The following ADAMTS5 variants were observed in gnomAD, a reference collection of about 807,000 sequenced individuals.
ADAMTS5 encodes A disintegrin and metalloproteinase with thrombospondin motifs 5.
Under a neutral mutation model 81.4 loss-of-function variants are expected in ADAMTS5, and 54 were observed. The ratio of observed to expected loss-of-function variants is 0.66; its 90% CI spans 0.53 to 0.83. The LOEUF is 0.83. Among genes scored for constraint, ADAMTS5 ranks in the 40% least tolerant of loss-of-function variants. The probability of loss-of-function intolerance (pLI) is 0.00; values close to 1 mark genes in which losing one functional copy is unlikely to be tolerated. For synonymous variants in ADAMTS5, 532 were observed against 508.8 expected, an observed-to-expected ratio of 1.05 and a Z score of -0.61; for missense variants, 1,194 against 1,229.9, an observed-to-expected ratio of 0.97 and a Z score of 0.44.
At position 26,943,376 on chromosome 21, in the gene ADAMTS5, A is replaced by G. The variant is rs1987150093; in HGVS notation, c.1405+4T>C. The G allele has an allele frequency of 6.2e-7, 1 of 1,610,878 alleles. No individual in the cohort carries two copies. Among genetic ancestry groups the G allele is most frequent in the Non-Finnish European group, 8.5e-7 (1 of 1,178,668 alleles). Reference sequence around the variant, plus strand: ...CAGTCTGTGTTCTCCTAAATGATACATACCATGGCCATCATCCAGGAATTC... The same window carrying G: ...CAGTCTGTGTTCTCCTAAATGATACGTACCATGGCCATCATCCAGGAATTC... On this transcript the variant is annotated splice_donor_region_variant and intron_variant, in intron 3 of 7. Transcript: ENST00000284987.
intron 1 of ADAMTS5, among the ~76,000 whole-genome samples, chr21:26,962,364 C>T (rs149841192): frequency 6.6e-6 from 1 of 152,310 alleles, no homozygotes; most frequent in African/African-American, 2.4e-5. Flanking sequence ...TGAATTCCAG[C>T]ATTAGTGCCA....
In ADAMTS5 at chr21:26,966,479, G is replaced by GAC. The variant is rs369940415; in HGVS notation, c.-90_-89dup. The GAC allele has an allele frequency of 2.1e-4, 275 of 1,296,312 alleles. No homozygotes were observed. Among genetic ancestry groups the GAC allele is most frequent in the South Asian group, 1.2e-3 (68 of 55,786 alleles). The allele number at this position is 1,296,312 out of a possible 1,614,324, so 80.3% of individuals were successfully genotyped here. ...TGAAGTTAACGGGGCGGGGGATGGG[G>GAC]ACACACACACACTTGCTTGCAGGAT... On this transcript the variant is annotated 5_prime_UTR_variant, in exon 1 of 8. Coordinates refer to ENST00000284987, the MANE Select transcript of ADAMTS5 (RefSeq NM_007038.5).
chr21:26,950,045 TG>T (rs1427190729), intron 2 of ADAMTS5, among the ~76,000 whole-genome samples: 24 of 152,210 alleles, frequency 1.6e-4, no homozygotes, highest in Admixed American at 1.6e-3. Context: ...GCTTTGCTGT[TG>T]TGTCTCAACC....
At chr21:26,961,029 T>C (rs1881970063) in intron 1 of ADAMTS5, among the ~76,000 whole-genome samples, 1 of 151,960 alleles carries the variant, frequency 6.6e-6, no homozygotes, top group African/African-American at 2.4e-5. Context: ...AATAGATTCT[T>C]AAGAAAGGGG....
chr21:26,944,899 G>A (rs531120723), intron 2 of ADAMTS5, among the ~76,000 whole-genome samples: 68 of 152,082 alleles, frequency 4.5e-4, no homozygotes, highest in Admixed American at 2.4e-3. Flanking sequence ...GCTAGGGCTC[G>A]GTGACCTTCC....
At chr21:26,942,506 C>T (rs1987133992) in intron 3 of ADAMTS5, among the ~76,000 whole-genome samples, 1 of 152,102 alleles carries the variant, frequency 6.6e-6, no homozygotes, top group Non-Finnish European at 1.5e-5. Context: ...ATTTCTGTAA[C>T]ATAGGAAATT....
chr21:26,924,642 G>A, intron 7 of ADAMTS5, 22 bp from the exon 8 acceptor site: 1 of 1,559,440 alleles, frequency 6.4e-7, no homozygotes, highest in South Asian at 1.2e-5. Flanking sequence ...AATGTTCACA[G>A]GAAGTGGGGG....
At chr21:26,937,728 G>A (rs1405670586) in intron 3 of ADAMTS5, among the ~76,000 whole-genome samples, 2 of 152,170 alleles carry the variant, frequency 1.3e-5, no homozygotes, top group African/African-American at 4.8e-5. Context: ...CAACCTTTCA[G>A]TATCATTTCT....
chr21:26,947,007 G>A (rs1003823450), intron 2 of ADAMTS5, among the ~76,000 whole-genome samples: 4 of 152,214 alleles, frequency 2.6e-5, no homozygotes, highest in Admixed American at 2.6e-4. Context: ...GAGAGAAAAG[G>A]CAGAGGTGGG....
rs2123224893 is a variant in ADAMTS5 at position 26,919,190 on chromosome 21, T to A, written c.*4863A>T. The A allele has an allele frequency of 6.6e-6, 1 of 150,732 alleles. No individual in the cohort carries two copies. The highest frequency in any genetic ancestry group is 1.9e-4 in the East Asian group (1 of 5,150). 9.3% of individuals were successfully genotyped at this position (150,732 alleles called of 1,614,324 possible). ...GTTCATTGGGTGTGCCAAAGGAAAGTGGAAAAAAATTAAAAAGCATGCCCT... is the reference window on the plus strand; with the variant it reads ...GTTCATTGGGTGTGCCAAAGGAAAGAGGAAAAAAATTAAAAAGCATGCCCT... On this transcript the variant is annotated 3_prime_UTR_variant, in exon 8 of 8. Coordinates refer to ENST00000284987, the MANE Select transcript of ADAMTS5 (RefSeq NM_007038.5).
Position 26,954,775 on chromosome 21 carries a change from C to T in ADAMTS5, c.1201G>A (p.Gly401Ser). The T allele has an allele frequency of 6.2e-7, 1 of 1,614,096 alleles. No homozygotes were observed. The highest frequency in any genetic ancestry group is 8.5e-7 in the Non-Finnish European group (1 of 1,179,994). Residue 401 changes from glycine (G) to serine (S), a missense_variant, in exon 2 of 8, where the codon GGC becomes AGC. Physicochemically the swap from Gly to Ser is moderately conservative, Grantham distance 56 (BLOSUM62 0). Coordinates refer to ENST00000284987, the MANE Select transcript of ADAMTS5 (RefSeq NM_007038.5). ...ERSCAVIEDD[G>S]LHAAFTVAHE... ...GCCACAGTGAAGGCTGCGTGGAGGCCATCGTCTTCAATCACAGCACAGCTG... is the reference window on the plus strand; with the variant it reads ...GCCACAGTGAAGGCTGCGTGGAGGCTATCGTCTTCAATCACAGCACAGCTG...
chr21:26,923,551 G>A lies in ADAMTS5; in HGVS notation c.*502C>T, dbSNP rs927083627. 6.5e-6 allele frequency: 1 copy of A among 152,790 alleles called. No individual in the cohort carries two copies. Among genetic ancestry groups the A allele is most frequent in the Non-Finnish European group, 1.5e-5 (1 of 68,164 alleles). 9.5% of individuals were successfully genotyped at this position (152,790 alleles called of 1,614,324 possible). On this transcript the variant is annotated 3_prime_UTR_variant, in exon 8 of 8. Coordinates refer to ENST00000284987, the MANE Select transcript of ADAMTS5 (RefSeq NM_007038.5). ...CCACAGCTCTTTCTGGAAACGGAAG[G>A]AAGTTGAAATAGCTGCAGACCTACT...
At chr21:26,938,198 C>G (rs556887018) in intron 3 of ADAMTS5, among the ~76,000 whole-genome samples, 1 of 151,282 alleles carries the variant, frequency 6.6e-6, no homozygotes, top group African/African-American at 2.4e-5. Context: ...GAGCCAAGAT[C>G]GCACCATTGC....
At chr21:26,944,382 A>G (rs1045730787) in intron 2 of ADAMTS5, among the ~76,000 whole-genome samples, 3 of 152,208 alleles carry the variant, frequency 2.0e-5, no homozygotes, top group Non-Finnish European at 2.9e-5. Flanking sequence ...TCAACCAACA[A>G]TGTTCTCTGA....
At chr21:26,942,556 G>A (rs1032214101) in intron 3 of ADAMTS5, among the ~76,000 whole-genome samples, 44 of 152,092 alleles carry the variant, frequency 2.9e-4, no homozygotes, top group African/African-American at 1.1e-3. Flanking sequence ...GAGTGCTAAT[G>A]CATCTATCCT....
At chr21:26,937,683 T>C (rs769590411) in intron 3 of ADAMTS5, among the ~76,000 whole-genome samples, 24 of 152,196 alleles carry the variant, frequency 1.6e-4, no homozygotes, top group Non-Finnish European at 3.5e-4. Flanking sequence ...AAGAAATGTA[T>C]ACAGTTTGGG....
chr21:26,965,931 C>A lies in ADAMTS5; in HGVS notation c.461G>T (p.Gly154Val). 6.2e-7 allele frequency: 1 copy of A among 1,613,796 alleles called. No individual in the cohort carries two copies. The highest frequency in any genetic ancestry group is 8.5e-7 in the Non-Finnish European group (1 of 1,179,956). ...AVFDLCGGLD[G>V]FFAVKHARYT... ...GCGCGCGTGCTTGACCGCGAAGAAG[C>A]CGTCGAGACCCCCACAGAGGTCAAA... The change falls in exon 1 of 8, where the codon GGC becomes GTC. Residue 154 changes from glycine to valine, a missense_variant. By Grantham distance (109) the Gly-to-Val change is moderately radical (BLOSUM62 -3). Around this residue, in one of 2 missense-constraint regions of ADAMTS5, gnomAD observed 498 missense variants for 412.3 expected, o/e 1.21. Coordinates refer to ENST00000284987, the MANE Select transcript of ADAMTS5 (RefSeq NM_007038.5).
At chr21:26,926,233 C>T (rs537884457) in intron 7 of ADAMTS5, among the ~76,000 whole-genome samples, 66 of 152,248 alleles carry the variant, frequency 4.3e-4, no homozygotes, top group African/African-American at 1.4e-3. Context: ...TGCACTCCAG[C>T]CCGAGTAACA....
Position 26,923,943 on chromosome 21 carries a change from A to C in ADAMTS5, c.*110T>G. 1.7e-6 allele frequency: 2 copies of C among 1,168,136 alleles called. No individual in the cohort carries two copies. Among genetic ancestry groups the C allele is most frequent in the African/African-American group, 1.5e-5 (1 of 64,924 alleles). 72.4% of individuals were successfully genotyped at this position (1,168,136 alleles called of 1,614,324 possible). A position where few individuals can be genotyped will look rare whatever the true frequency, so the allele number is the denominator to read the frequency against. ...TGCCCATAATTGGACTCCTGTTGAC[A>C]ATGTCACTGAAGCATGACTTTCTGT... On this transcript the variant is annotated 3_prime_UTR_variant, in exon 8 of 8. Coordinates refer to ENST00000284987, the MANE Select transcript of ADAMTS5 (RefSeq NM_007038.5).
Sources: allele counts gnomAD v4.1 joint callset (sites outside exome capture counted in the v4.1 genomes callset), GRCh38; gene constraint gnomAD v4.1.1; regional missense constraint gnomAD v4.1.1; transcripts MANE v1.5; gene names NCBI Gene and HGNC (gene_info 2026-07-23, HGNC 2026-07-21).